Variants in NDUFAF6 observed in about 807,000 individuals in gnomAD.
NDUFAF6 encodes the protein NADH:ubiquinone oxidoreductase complex assembly factor 6, also known as NADH dehydrogenase (ubiquinone) complex I, assembly factor 6.
A neutral mutation model predicts 40.8 loss-of-function variants in NDUFAF6; 45 were observed. The observed-to-expected ratio is 1.10, with a 90% CI of 0.87 to 1.42. NDUFAF6 has a LOEUF of 1.42. Among genes scored for constraint, NDUFAF6 ranks in the 40% most tolerant of loss-of-function variants. NDUFAF6 has a pLI of 0.00. For synonymous variants in NDUFAF6, 185 were observed against 155.9 expected, an observed-to-expected ratio of 1.19 and a Z score of -1.39; for missense variants, 435 against 418.5, an observed-to-expected ratio of 1.04 and a Z score of -0.34.
chr8:94,907,477 C>T (rs1563698728), intron 1 of NDUFAF6, among the ~76,000 whole-genome samples: 2 of 152,178 alleles, frequency 1.3e-5, no homozygotes, highest in Admixed American at 1.3e-4. Flanking sequence ...CTCAATCATA[C>T]ATTTGCAGAA....
chr8:94,897,013 A>G (rs1406772362), intron 1 of NDUFAF6, among the ~76,000 whole-genome samples: 1 of 152,148 alleles, frequency 6.6e-6, no homozygotes, highest in African/African-American at 2.4e-5. Context: ...TCCCTTTTGC[A>G]GTCACTCAAA....
At chr8:95,046,473 A>G (rs1313424998) in intron 5 of NDUFAF6, among the ~76,000 whole-genome samples, 3 of 152,168 alleles carry the variant, frequency 2.0e-5, no homozygotes, top group Non-Finnish European at 2.9e-5. Flanking sequence ...TAAGGAAATT[A>G]TTTGGGCCAA....
At position 94,933,395 on chromosome 8, in the gene NDUFAF6, A is replaced by AG. The variant is rs557468570; in HGVS notation, c.-935-12087dup. Among the ~76,000 whole-genome samples, 398 of 152,282 alleles carry AG rather than the reference A, an allele frequency of 2.6e-3. 2 individuals carry two copies. Among genetic ancestry groups the AG allele is most frequent in the African/African-American group, 9.2e-3 (381 of 41,536 alleles). On this transcript the variant is annotated intron_variant, in intron 1 of 14. Coordinates refer to the NDUFAF6 transcript ENST00000396113. ...AACAACCTTGAAAAAGAAGGAAGGA[A>AG]GAAGAAGGAAGAAAGAAGAAGAAAT...
intron 2 of NDUFAF6, among the ~76,000 whole-genome samples, chr8:95,082,460 CCTT>C (rs1489824663): frequency 1.3e-5 from 2 of 152,174 alleles, no homozygotes; most frequent in South Asian, 2.1e-4. Flanking sequence ...AGAATCATCT[CCTT>C]CTGTTCAGAA....
At chr8:94,906,215 C>T (rs1237456186) in intron 1 of NDUFAF6, among the ~76,000 whole-genome samples, 1 of 152,090 alleles carries the variant, frequency 6.6e-6, no homozygotes, top group Non-Finnish European at 1.5e-5. Flanking sequence ...GTCTGCCCTG[C>T]CCTCTTTGGT....
intron 9 of NDUFAF6, among the ~76,000 whole-genome samples, chr8:95,069,882 A>G (rs1457539417): frequency 6.7e-6 from 1 of 150,016 alleles, no homozygotes; most frequent in African/African-American, 2.5e-5. Flanking sequence ...AAATGTCTCA[A>G]AGCAGTTTAA....
chr8:94,943,435 T>C (rs527870988), intron 1 of NDUFAF6, among the ~76,000 whole-genome samples: 2 of 152,308 alleles, frequency 1.3e-5, no homozygotes, highest in South Asian at 4.1e-4. Flanking sequence ...TGCAGTAAGC[T>C]ATGATTGTGC....
chr8:95,047,203 TTAGTC>T lies in NDUFAF6; in HGVS notation c.714+79_714+83del. On this transcript the variant is annotated intron_variant, in intron 6 of 8. Coordinates refer to ENST00000396124, the MANE Select transcript of NDUFAF6 (RefSeq NM_152416.4). ...AGGAAGTTATCTTTTGCTTTTTTGC[TTAGTC>T]TATTCAAGTAATTGCTTTGAAAGGA... The T allele has an allele frequency of 1.9e-6, 3 of 1,596,754 alleles. No homozygotes were observed. The South Asian group carries it at 3.3e-5, about 18-fold the overall frequency.
At chr8:95,012,701 A>T (rs2131676162) in intron 2 of NDUFAF6, among the ~76,000 whole-genome samples, 1 of 146,686 alleles carries the variant, frequency 6.8e-6, no homozygotes, top group African/African-American at 2.5e-5. Flanking sequence ...ATGGTGGCAC[A>T]TGCCTGTGGT....
downstream of NDUFAF6, among the ~76,000 whole-genome samples, chr8:95,117,295 A>G (rs1810154767): frequency 6.6e-6 from 1 of 152,168 alleles, no homozygotes; most frequent in Non-Finnish European, 1.5e-5. Flanking sequence ...TGGTAGAAAA[A>G]CTGTGAGGTC....
chr8:94,918,578 G>A (rs1047128790), intron 1 of NDUFAF6, among the ~76,000 whole-genome samples: 10 of 152,242 alleles, frequency 6.6e-5, no homozygotes, highest in African/African-American at 1.9e-4. Flanking sequence ...GTTGTCAAAC[G>A]TTTCTTTGAC....
At chr8:94,935,756 C>T (rs1820919761) in intron 1 of NDUFAF6, among the ~76,000 whole-genome samples, 1 of 152,078 alleles carries the variant, frequency 6.6e-6, no homozygotes, top group African/African-American at 2.4e-5. Flanking sequence ...CATAAAAATG[C>T]AAGGGTTGAT....
upstream of NDUFAF6, among the ~76,000 whole-genome samples, chr8:94,953,121 G>T (rs1307921571): frequency 6.6e-6 from 1 of 152,224 alleles, no homozygotes; most frequent in African/African-American, 2.4e-5. Context: ...GCCGAGGCAG[G>T]TGGATCACCT....
intron 1 of NDUFAF6, chr8:94,930,320 T>C (rs1312651897): frequency 7.0e-6 from 7 of 1,002,716 alleles, no homozygotes; most frequent in South Asian, 3.3e-5. Flanking sequence ...ATACACAGCA[T>C]ATAAATCTGA....
intron 1 of NDUFAF6, among the ~76,000 whole-genome samples, chr8:94,932,982 C>A (rs1051145319): frequency 6.6e-6 from 1 of 152,090 alleles, no homozygotes; most frequent in Non-Finnish European, 1.5e-5. Context: ...TTTGGGAGGT[C>A]AAGGTGGGCG....
chr8:94,929,342 G>A (rs903575697), intron 1 of NDUFAF6: 4 of 151,812 alleles, frequency 2.6e-5, no homozygotes, highest in African/African-American at 9.7e-5. Context: ...AGTGGTTAAA[G>A]ATTTTGCCTG....
At position 95,009,827 on chromosome 8, in the gene NDUFAF6, C is replaced by T. The variant is rs533538961; in HGVS notation, c.-83-22168C>T. ...CAAATATATCCCTCTATTGAACACA[C>T]AGAATACTCGTTTGAATGTCAGTTT... On this transcript the variant is annotated intron_variant, in intron 2 of 9. Transcript: ENST00000396111. Among the ~76,000 whole-genome samples the T allele has an allele frequency of 2.6e-5, 4 of 152,314 alleles. No individual in the cohort carries two copies. The East Asian group carries it at 5.8e-4, about 22-fold the overall frequency.
intron 1 of NDUFAF6, among the ~76,000 whole-genome samples, chr8:94,909,348 CAAAAAAAAAA>C (rs556065794): frequency 3.8e-4 from 35 of 91,902 alleles, no homozygotes; most frequent in African/African-American, 1.5e-3. Flanking sequence ...GACTCCGTCT[CAAAAAAAAAA>C]AAAAAAAAAA....
chr8:94,999,034 TCG>T (rs1176884732), intron 2 of NDUFAF6, among the ~76,000 whole-genome samples: 1 of 152,048 alleles, frequency 6.6e-6, no homozygotes, highest in East Asian at 1.9e-4. Flanking sequence ...ATATGTGTGT[TCG>T]TGTGTGTGTA....
Sources: allele counts gnomAD v4.1 joint callset (sites outside exome capture counted in the v4.1 genomes callset), GRCh38; gene constraint gnomAD v4.1.1; transcripts MANE v1.5; gene names NCBI Gene and HGNC (gene_info 2026-07-23, HGNC 2026-07-21).